The following KLF12 variants were observed in gnomAD, a reference collection of about 807,000 sequenced individuals.
The protein encoded by KLF12 is KLF transcription factor 12.
Under a neutral mutation model 37.8 loss-of-function variants are expected in KLF12, and 9 were observed. The ratio of observed to expected loss-of-function variants is 0.24; its 90% CI spans 0.14 to 0.42. The LOEUF (loss-of-function observed/expected upper bound fraction) is 0.42, where lower values mean the gene tolerates loss of function less well. Among genes scored for constraint, KLF12 ranks in the 10% least tolerant of loss-of-function variants. The probability of loss-of-function intolerance (pLI) is 1.00; values close to 1 mark genes in which losing one functional copy is unlikely to be tolerated. For missense variants in KLF12, 411 were observed against 516.0 expected (o/e 0.80, Z 1.97); for synonymous variants, 208 against 202.1 (o/e 1.03, Z -0.25).
At chr13:74,068,994 T>C (rs1429253229) in intron 1 of KLF12, among the ~76,000 whole-genome samples, 1 of 152,228 alleles carries the variant, frequency 6.6e-6, no homozygotes, top group Non-Finnish European at 1.5e-5. Flanking sequence ...ATGTCTTCTA[T>C]GTGCCAGGGA....
chr13:74,093,106 T>C (rs1875774520), intron 1 of KLF12, among the ~76,000 whole-genome samples: 2 of 152,218 alleles, frequency 1.3e-5, no homozygotes, highest in Admixed American at 6.5e-5. Flanking sequence ...CCTGGAGACC[T>C]ACCTACATCT....
intron 4 of KLF12, among the ~76,000 whole-genome samples, chr13:73,821,598 G>A (rs1231608490): frequency 6.6e-6 from 1 of 152,028 alleles, no homozygotes; most frequent in Non-Finnish European, 1.5e-5. Flanking sequence ...TGTACAAATT[G>A]TCCCATGGAG....
the KLF12 span, among the ~76,000 whole-genome samples, chr13:74,215,103 T>A: frequency 6.6e-6 from 1 of 152,148 alleles, no homozygotes; most frequent in Admixed American, 6.5e-5. Context: ...TTACACTAAT[T>A]TTTGATAATG....
At chr13:73,908,094 G>A (rs570435949) in intron 3 of KLF12, among the ~76,000 whole-genome samples, 1 of 152,206 alleles carries the variant, frequency 6.6e-6, no homozygotes, top group South Asian at 2.1e-4. Context: ...ATAGGCCTGA[G>A]CATCTAATTA....
At chr13:73,875,178 T>C (rs911833623) in intron 3 of KLF12, among the ~76,000 whole-genome samples, 3 of 151,978 alleles carry the variant, frequency 2.0e-5, no homozygotes, top group Admixed American at 1.3e-4. Flanking sequence ...ATTTGAAATA[T>C]ACAAAAGAAT....
intron 6 of KLF12, among the ~76,000 whole-genome samples, chr13:73,733,629 G>A (rs1877234255): frequency 1.3e-5 from 2 of 152,124 alleles, no homozygotes; most frequent in South Asian, 2.1e-4. Context: ...GAATAACGCT[G>A]TTATGACCAG....
At chr13:74,036,577 A>T (rs141861138) in intron 1 of KLF12, among the ~76,000 whole-genome samples, 81 of 152,292 alleles carry the variant, frequency 5.3e-4, no homozygotes, top group African/African-American at 1.8e-3. Flanking sequence ...TATCCAGATG[A>T]CAGAGGAGTG....
the KLF12 span, among the ~76,000 whole-genome samples, chr13:74,209,417 C>T: frequency 6.6e-6 from 1 of 151,756 alleles, no homozygotes; most frequent in Non-Finnish European, 1.5e-5. Flanking sequence ...ATTTCTGATT[C>T]CTACTAAATA....
chr13:74,269,119 A>T, the KLF12 span, among the ~76,000 whole-genome samples: 1 of 152,208 alleles, frequency 6.6e-6, no homozygotes, highest in Non-Finnish European at 1.5e-5. Context: ...TAGAATTCTC[A>T]GGAATAAAGG....
At chr13:74,149,854 G>A in the KLF12 span, among the ~76,000 whole-genome samples, 2 of 152,166 alleles carry the variant, frequency 1.3e-5, no homozygotes, top group Admixed American at 1.3e-4. Flanking sequence ...GAACACACCA[G>A]ATCATCCCGT....
At chr13:74,206,177 C>G in the KLF12 span, among the ~76,000 whole-genome samples, 1 of 151,962 alleles carries the variant, frequency 6.6e-6, no homozygotes, top group South Asian at 2.1e-4. Flanking sequence ...GTTTTCATTA[C>G]CCATTCATTA....
chr13:73,700,829 C>T (rs949386644), intron 7 of KLF12, among the ~76,000 whole-genome samples: 1 of 152,122 alleles, frequency 6.6e-6, no homozygotes, highest in African/African-American at 2.4e-5. Flanking sequence ...TGAGTAGCTA[C>T]TGCATTGTGT....
At chr13:74,256,420 T>C in the KLF12 span, among the ~76,000 whole-genome samples, 16 of 152,318 alleles carry the variant, frequency 1.1e-4, no homozygotes, top group Non-Finnish European at 2.1e-4. Context: ...CATCTCATTG[T>C]TGTGAAGATG....
chr13:74,031,950 T>C (rs1313158653), intron 1 of KLF12, among the ~76,000 whole-genome samples: 1 of 152,146 alleles, frequency 6.6e-6, no homozygotes, highest in African/African-American at 2.4e-5. Flanking sequence ...ATAATCTCAT[T>C]TGGGAATTAT....
chr13:74,055,618 G>A (rs994036566), intron 1 of KLF12, among the ~76,000 whole-genome samples: 5 of 152,092 alleles, frequency 3.3e-5, no homozygotes. Context: ...TTTCACCTGG[G>A]CTTAGCTTCT....
At chr13:73,969,029 TAA>T (rs58954841) in intron 2 of KLF12, among the ~76,000 whole-genome samples, 116,338 of 147,612 alleles carry the variant, frequency 0.79, 46,919 homozygotes, top group Middle Eastern at 0.9. Flanking sequence ...CCCCATACTT[TAA>T]AAAAAAAAAA....
the KLF12 span, among the ~76,000 whole-genome samples, chr13:74,148,352 C>G: frequency 6.6e-6 from 1 of 151,860 alleles, no homozygotes; most frequent in Non-Finnish European, 1.5e-5. Context: ...TCCTCCAGCT[C>G]CCATCCCATT....
At position 74,052,077 on chromosome 13, in the gene KLF12, T is replaced by A. The variant is rs1332013728; in HGVS notation, c.-31-57024A>T. On this transcript the variant is annotated intron_variant, in intron 1 of 7. Coordinates refer to ENST00000377669, the MANE Select transcript of KLF12 (RefSeq NM_007249.5). ...AAAAGAAGATAAAGATTCCAAAGTC[T>A]GGCTCCAAAACCTTCAAGGTGTATG... 2.6e-5 allele frequency among the ~76,000 whole-genome samples: 4 copies of A among 152,306 alleles called. No individual in the cohort carries two copies. The East Asian group carries it at 7.7e-4, about 29-fold the overall frequency.
chr13:74,260,553 C>G, the KLF12 span, among the ~76,000 whole-genome samples: 1 of 101,684 alleles, frequency 9.8e-6, no homozygotes, highest in African/African-American at 5.5e-5. Flanking sequence ...AACACTGTTT[C>G]TAAAATAAAA....
Sources: gnomAD v4.1 joint callset for allele counts (sites outside exome capture counted in the v4.1 genomes callset) on GRCh38, gnomAD v4.1.1 for gene constraint, MANE v1.5 for transcripts, NCBI Gene and HGNC (gene_info 2026-07-23, HGNC 2026-07-21) for gene names.